ANKIB1: variants seen among roughly 807,000 people sequenced by gnomAD.
ANKIB1 encodes the protein ankyrin repeat and IBR domain containing 1.
In ANKIB1, 43 loss-of-function variants were observed where a neutral mutation model predicts 122.1. The observed-to-expected ratio is 0.35, with a 90% CI of 0.28 to 0.45. ANKIB1 has a LOEUF of 0.45. ANKIB1 is among the 20% of genes least tolerant of loss of function. The pLI is 1.00. For synonymous variants in ANKIB1, 390 were observed against 442.0 expected, an observed-to-expected ratio of 0.88 and a Z score of 1.48; for missense variants, 992 against 1,329.5, an observed-to-expected ratio of 0.75 and a Z score of 3.95.
At chr7:92,257,159 C>G (rs955676925) in intron 1 of ANKIB1, among the ~76,000 whole-genome samples, 1 of 150,102 alleles carries the variant, frequency 6.7e-6, no homozygotes, top group African/African-American at 2.5e-5. Flanking sequence ...CCCAACTGCA[C>G]TCCAGCCTGG....
chr7:92,358,435 C>A (rs1803871871), intron 9 of ANKIB1, among the ~76,000 whole-genome samples: 1 of 152,130 alleles, frequency 6.6e-6, no homozygotes, highest in African/African-American at 2.4e-5. Flanking sequence ...TCTGTGTCCT[C>A]CTGTGAGGTT....
rs766678367 is a variant in ANKIB1 at position 92,397,765 on chromosome 7, C to A, written c.2438C>A (p.Ser813Tyr). The stretch of plus-strand genomic sequence containing the variant: ...AGCAGCAGCCGCAGGCCTGGCACAT[C>A]CGTGGTAAGTTCTGCATCTATGAGT... ...GGSSSRRPGT[S>Y]VVSSASMSVL... Residue 813 changes from serine to tyrosine, a missense_variant, in exon 19 of 20, where the codon TCC becomes TAC. Coordinates refer to ENST00000265742, the MANE Select transcript of ANKIB1 (RefSeq NM_019004.2). 2.5e-6 allele frequency: 4 copies of A among 1,611,438 alleles called. No homozygotes were observed. Among genetic ancestry groups the A allele is most frequent in the Non-Finnish European group, 3.4e-6 (4 of 1,179,090 alleles).
Position 92,275,653 on chromosome 7 carries a change from G to A in ANKIB1, c.-90-19236G>A, listed in dbSNP as rs73407600. Among the ~76,000 whole-genome samples, 32 of 152,230 alleles carry A rather than the reference G, an allele frequency of 2.1e-4. No homozygotes were observed. The East Asian group carries it at 6.0e-3, about 28-fold the overall frequency. On this transcript the variant is annotated intron_variant, in intron 1 of 19. Transcript: ENST00000265742. ...GAAGGACAGGGACATAGAACTGGGGGTGATGCACCATTCTGGAATTGGGAT... is the reference window on the plus strand; with the variant it reads ...GAAGGACAGGGACATAGAACTGGGGATGATGCACCATTCTGGAATTGGGAT...
intron 9 of ANKIB1, among the ~76,000 whole-genome samples, chr7:92,359,603 G>T (rs1803898429): frequency 6.6e-6 from 1 of 152,056 alleles, no homozygotes; most frequent in Non-Finnish European, 1.5e-5. Flanking sequence ...GGGATTGCTG[G>T]GTCAAATGGT....
intron 12 of ANKIB1, among the ~76,000 whole-genome samples, chr7:92,386,974 A>G (rs1804667024): frequency 6.6e-6 from 1 of 152,196 alleles, no homozygotes; most frequent in African/African-American, 2.4e-5. Context: ...CTCAGCTGCC[A>G]TAGAAAATAC....
At chr7:92,269,948 C>A (rs914755365) in intron 1 of ANKIB1, among the ~76,000 whole-genome samples, 1 of 151,574 alleles carries the variant, frequency 6.6e-6, no homozygotes. Flanking sequence ...CCTCGCCAAT[C>A]CCCCACCCCC....
intron 4 of ANKIB1, among the ~76,000 whole-genome samples, chr7:92,326,954 G>A (rs73414044): frequency 0.034 from 5,169 of 152,106 alleles, 254 homozygotes; most frequent in African/African-American, 0.11. Flanking sequence ...CTGAGACTAT[G>A]GGCATTCACC....
At chr7:92,277,218 A>G (rs1801923132) in intron 1 of ANKIB1, among the ~76,000 whole-genome samples, 1 of 152,188 alleles carries the variant, frequency 6.6e-6, no homozygotes, top group Non-Finnish European at 1.5e-5. Flanking sequence ...TAAACTTCTC[A>G]GTCTCAGGTA....
chr7:92,309,354 G>GGACT (rs1384640316), intron 3 of ANKIB1, among the ~76,000 whole-genome samples: 3 of 152,156 alleles, frequency 2.0e-5, no homozygotes, highest in African/African-American at 7.2e-5. Context: ...GGAGTAGCTA[G>GGACT]GACTACAGGC....
intron 3 of ANKIB1, among the ~76,000 whole-genome samples, chr7:92,311,837 G>C (rs1802696889): frequency 6.6e-6 from 1 of 152,036 alleles, no homozygotes; most frequent in Admixed American, 6.6e-5. Flanking sequence ...TTGGTTATCT[G>C]TGTCTCTGAT....
chr7:92,254,973 A>G (rs1801405139), intron 1 of ANKIB1, among the ~76,000 whole-genome samples: 1 of 152,204 alleles, frequency 6.6e-6, no homozygotes, highest in South Asian at 2.1e-4. Context: ...AGTAAGTCAC[A>G]CAAGATCTGA....
intron 1 of ANKIB1, among the ~76,000 whole-genome samples, chr7:92,261,022 A>G (rs888930095): frequency 1.3e-5 from 2 of 149,622 alleles, no homozygotes; most frequent in African/African-American, 4.9e-5. Flanking sequence ...TAAAATTGAT[A>G]AAGTCCAAAC....
intron 5 of ANKIB1, among the ~76,000 whole-genome samples, chr7:92,338,923 AAAAAAAAAAAATATAT>A: frequency 1.7e-5 from 1 of 58,538 alleles, no homozygotes; most frequent in Non-Finnish European, 3.4e-5. Context: ...AAAAAAAAAA[AAAAAAAAAAAATATAT>A]ATATATATAT....
Position 92,398,515 on chromosome 7 carries a change from A to G in ANKIB1, c.2836A>G (p.Arg946Gly). The G allele has an allele frequency of 6.2e-7, 1 of 1,613,954 alleles. No individual in the cohort carries two copies. The highest frequency in any genetic ancestry group is 8.5e-7 in the Non-Finnish European group (1 of 1,179,856). The change falls in exon 20 of 20, where the codon AGA becomes GGA. Residue 946 changes from arginine to glycine, a missense_variant. By Grantham distance (125) the Arg-to-Gly change is moderately radical. Transcript: ENST00000265742. ...TLSSHPLSEA[R>G]SDFCPSSSDP... ...GAGCTCACACCCTCTCAGTGAGGCA[A>G]GAAGTGATTTCTGTCCCTCATCTAG...
intron 1 of ANKIB1, among the ~76,000 whole-genome samples, chr7:92,266,724 T>C (rs758646287): frequency 6.6e-6 from 1 of 152,156 alleles, no homozygotes; most frequent in Non-Finnish European, 1.5e-5. Context: ...TGATACATGC[T>C]TAGAAGCCAT....
At position 92,339,243 on chromosome 7, in the gene ANKIB1, T is replaced by G. The variant is rs566957404; in HGVS notation, c.788-3781T>G. The stretch of plus-strand genomic sequence containing the variant: ...ATTTTTAGTAGCGATGGGGTTTCAC[T>G]GTGTTAGCCAGGATGGTCTTGATCT... On this transcript the variant is annotated intron_variant, in intron 5 of 19. Transcript: ENST00000265742. 2.0e-5 allele frequency among the ~76,000 whole-genome samples: 3 copies of G among 151,348 alleles called. No individual in the cohort carries two copies. The East Asian group carries it at 5.9e-4, about 30-fold the overall frequency.
At chr7:92,389,689 C>T (rs879921159) in intron 14 of ANKIB1, among the ~76,000 whole-genome samples, 1 of 152,092 alleles carries the variant, frequency 6.6e-6, no homozygotes, top group African/African-American at 2.4e-5. Flanking sequence ...TGGAGTGAGA[C>T]CAGAATCCAA....
intron 18 of ANKIB1, among the ~76,000 whole-genome samples, chr7:92,397,192 A>C (rs1195611685): frequency 6.6e-6 from 1 of 152,190 alleles, no homozygotes; most frequent in African/African-American, 2.4e-5. Context: ...TGCAAGCAAA[A>C]GTGTAAAAAA....
In ANKIB1 at chr7:92,347,366, C is replaced by G. The variant is rs185692821; in HGVS notation, c.1085+2300C>G. Among the ~76,000 whole-genome samples, 3 of 152,260 alleles carry G rather than the reference C, an allele frequency of 2.0e-5. No homozygotes were observed. The East Asian group carries it at 5.8e-4, about 29-fold the overall frequency. ...AGTGTATTTTTTGTGTAGCCCAAGA[C>G]AGTTCTTCTTCCAGTGTGGCCCAGA... On this transcript the variant is annotated intron_variant, in intron 7 of 19. Transcript: ENST00000265742.
Sources: allele counts gnomAD v4.1 joint callset (sites outside exome capture counted in the v4.1 genomes callset), GRCh38; gene constraint gnomAD v4.1.1; transcripts MANE v1.5; gene names NCBI Gene and HGNC (gene_info 2026-07-23, HGNC 2026-07-21).